Variants in HDAC9 observed in about 807,000 individuals in gnomAD.
The protein encoded by HDAC9 is histone deacetylase 9, also known as MEF-2 interacting transcription repressor (MITR) protein.
Under a neutral mutation model 139.4 loss-of-function variants are expected in HDAC9, and 41 were observed. The observed-to-expected ratio is 0.29, with a 90% CI of 0.23 to 0.38. HDAC9 has a LOEUF of 0.38. Ranked by LOEUF, HDAC9 falls within the 10% of genes least tolerant of loss-of-function variation. The probability of loss-of-function intolerance (pLI) is 1.00; values close to 1 mark genes in which losing one functional copy is unlikely to be tolerated. For missense variants in HDAC9, 1,147 were observed against 1,297.0 expected (o/e 0.88, Z 1.78); for synonymous variants, 517 against 476.2 (o/e 1.09, Z -1.12).
At chr7:18,482,578 A>G (rs1795657577) in intron 1 of HDAC9, among the ~76,000 whole-genome samples, 1 of 152,072 alleles carries the variant, frequency 6.6e-6, no homozygotes, top group Non-Finnish European at 1.5e-5. Flanking sequence ...TTACAGAAGG[A>G]TAGAAAATTG....
At chr7:18,553,084 G>A (rs1586974150) in intron 2 of HDAC9, among the ~76,000 whole-genome samples, 1 of 152,134 alleles carries the variant, frequency 6.6e-6, no homozygotes, top group African/African-American at 2.4e-5. Flanking sequence ...TATCCTTTGA[G>A]TACTGTGCGT....
At chr7:18,723,849 C>A (rs941709645) in intron 12 of HDAC9, among the ~76,000 whole-genome samples, 11 of 151,998 alleles carry the variant, frequency 7.2e-5, no homozygotes, top group Non-Finnish European at 1.5e-4. Context: ...AGAAACATGG[C>A]CTTTCATTTC....
chr7:18,829,107 T>G, intron 17 of HDAC9, 54 bp from the exon 18 acceptor site: 2 of 1,270,326 alleles, frequency 1.6e-6, no homozygotes, highest in Non-Finnish European at 2.3e-6. Context: ...AAGCAATCCC[T>G]CTCCTACCCT....
At chr7:18,183,046 G>T (rs1175517819) in intron 2 of HDAC9, among the ~76,000 whole-genome samples, 2 of 145,946 alleles carry the variant, frequency 1.4e-5, no homozygotes, top group Non-Finnish European at 3.0e-5. Flanking sequence ...GTCTCACTCT[G>T]TTGCCCGTGC....
chr7:18,520,878 C>T (rs572275644), intron 2 of HDAC9, among the ~76,000 whole-genome samples: 1 of 152,252 alleles, frequency 6.6e-6, no homozygotes, highest in East Asian at 1.9e-4. Flanking sequence ...CTGCTTTAGC[C>T]ATAGCTGGGT....
At chr7:18,842,094 A>G (rs1796621535) in intron 21 of HDAC9, among the ~76,000 whole-genome samples, 1 of 152,166 alleles carries the variant, frequency 6.6e-6, no homozygotes, top group Non-Finnish European at 1.5e-5. Context: ...GTCATGCTTA[A>G]CAATGTCAAA....
rs1831703571 is a variant in HDAC9, at chr7:18,593,909, G to A, written c.544G>A (p.Ala182Thr). ...VSRHPKLWYT[A>T]AHHTSLDQSS... ...GTGAAACTTCCTTGTCTTTTCTAGG[G>A]CTGCCCACCACACATCATTGGATCA... Residue 182 changes from alanine (A) to threonine (T), a missense_variant and splice_region_variant, in exon 6 of 26, where the codon GCT (alanine) becomes ACT (threonine). Ala to Thr is a moderately conservative substitution (Grantham distance 58). Coordinates refer to ENST00000686413, the MANE Select transcript of HDAC9 (RefSeq NM_178425.4). 2.5e-6 allele frequency: 4 copies of A among 1,612,330 alleles called. No homozygotes were observed. Among genetic ancestry groups the A allele is most frequent in the East Asian group, 4.5e-5 (2 of 44,876 alleles).
intron 22 of HDAC9, among the ~76,000 whole-genome samples, chr7:18,893,355 G>C (rs907134639): frequency 2.0e-5 from 3 of 151,954 alleles, no homozygotes; most frequent in African/African-American, 7.3e-5. Context: ...CCATGGCCTG[G>C]GGCAATATTC....
chr7:18,980,209 G>A (rs1784811066), intron 25 of HDAC9, among the ~76,000 whole-genome samples: 1 of 152,074 alleles, frequency 6.6e-6, no homozygotes, highest in Non-Finnish European at 1.5e-5. Context: ...CATTAGGGAT[G>A]TTCTAATCCT....
chr7:18,151,583 G>T (rs1786784701), intron 1 of HDAC9, among the ~76,000 whole-genome samples: 3 of 152,158 alleles, frequency 2.0e-5, no homozygotes, highest in Non-Finnish European at 4.4e-5. Context: ...TAGAAAAGCT[G>T]CAGCCTATAT....
At chr7:18,558,723 G>A (rs1185776593) in intron 2 of HDAC9, among the ~76,000 whole-genome samples, 2 of 152,122 alleles carry the variant, frequency 1.3e-5, no homozygotes, top group African/African-American at 4.8e-5. Flanking sequence ...AACTTTTCTG[G>A]CAACATTCAG....
intron 2 of HDAC9, among the ~76,000 whole-genome samples, chr7:18,196,329 G>A (rs906318338): frequency 6.6e-6 from 1 of 152,110 alleles, no homozygotes; most frequent in Non-Finnish European, 1.5e-5. Flanking sequence ...TGCACATGAG[G>A]ATTAGGAAAT....
At chr7:18,809,260 C>A (rs1431599569) in intron 17 of HDAC9, among the ~76,000 whole-genome samples, 1 of 151,966 alleles carries the variant, frequency 6.6e-6, no homozygotes, top group African/African-American at 2.4e-5. Context: ...TAGGGAAACC[C>A]TCCTTAACAG....
chr7:18,157,807 G>GAGAGAGAGAGAA (rs1463698720), intron 1 of HDAC9, among the ~76,000 whole-genome samples: 1 of 44,338 alleles, frequency 2.3e-5, no homozygotes, highest in African/African-American at 8.1e-5. Flanking sequence ...TAAGGCATGA[G>GAGAGAGAGAGAA]AGAGAGAGAG....
intron 8 of HDAC9, among the ~76,000 whole-genome samples, chr7:18,638,668 A>G (rs1784627728): frequency 6.6e-6 from 1 of 152,092 alleles, no homozygotes; most frequent in South Asian, 2.1e-4. Flanking sequence ...TGTTATTATC[A>G]GCGCTGACTC....
At chr7:18,106,183 T>C (rs931895071) in intron 1 of HDAC9, among the ~76,000 whole-genome samples, 1 of 152,184 alleles carries the variant, frequency 6.6e-6, no homozygotes, top group African/African-American at 2.4e-5. Flanking sequence ...CACTGAATTA[T>C]ATAGATTAAA....
At chr7:18,115,189 AG>A (rs761508129) in intron 1 of HDAC9, among the ~76,000 whole-genome samples, 9 of 151,844 alleles carry the variant, frequency 5.9e-5, no homozygotes, top group Non-Finnish European at 1.2e-4. Context: ...GCTACTTGGG[AG>A]GCTGAGGCAG....
chr7:18,164,526 T>C (rs1247265624), intron 2 of HDAC9, among the ~76,000 whole-genome samples: 2 of 152,198 alleles, frequency 1.3e-5, no homozygotes, highest in African/African-American at 4.8e-5. Context: ...GAAAGAAAAA[T>C]AGACTCACTT....
chr7:18,210,229 ACATAGATCTGGCT>A (rs1447150508), intron 2 of HDAC9, among the ~76,000 whole-genome samples: 1 of 152,214 alleles, frequency 6.6e-6, no homozygotes, highest in Non-Finnish European at 1.5e-5. Flanking sequence ...ATAAGACAAG[ACATAGATCTGGCT>A]CTCAAAATAT....
Sources: gnomAD v4.1 joint callset for allele counts (sites outside exome capture counted in the v4.1 genomes callset) on GRCh38, gnomAD v4.1.1 for gene constraint, MANE v1.5 for transcripts, NCBI Gene and HGNC (gene_info 2026-07-23, HGNC 2026-07-21) for gene names.